The following CLIC5 variants were observed in gnomAD, a reference collection of about 807,000 sequenced individuals.
CLIC5 encodes the protein chloride intracellular channel protein 5.
Under a neutral mutation model 24.7 loss-of-function variants are expected in CLIC5, and 20 were observed. The ratio of observed to expected loss-of-function variants is 0.81; its 90% confidence interval spans 0.57 to 1.18. The LOEUF is 1.18. Among genes scored for constraint, CLIC5 ranks in the 50% most tolerant of loss-of-function variants. CLIC5 has a pLI of 0.00. For missense variants in CLIC5, 341 were observed against 326.1 expected (o/e 1.05, Z -0.35); for synonymous variants, 159 against 135.6 (o/e 1.17, Z -1.20).
the CLIC5 span, among the ~76,000 whole-genome samples, chr6:46,105,200 G>A: frequency 6.6e-6 from 1 of 152,052 alleles, no homozygotes; most frequent in Non-Finnish European, 1.5e-5. Flanking sequence ...CTGTCTTTGA[G>A]GTGGTTCTGG....
At chr6:45,979,909 A>C (rs1318066701) in intron 1 of CLIC5, among the ~76,000 whole-genome samples, 1 of 136,888 alleles carries the variant, frequency 7.3e-6, no homozygotes, top group Admixed American at 7.2e-5. Flanking sequence ...TCCATTTATC[A>C]ATTTTTTATT....
intron 5 of CLIC5, chr6:45,912,530 A>C (rs1581723695): frequency 1.5e-6 from 2 of 1,372,012 alleles, no homozygotes; most frequent in South Asian, 1.6e-5. Context: ...AAGAAAGGAA[A>C]AGAAGGCAAG....
chr6:46,100,063 A>G, the CLIC5 span, among the ~76,000 whole-genome samples: 4 of 152,048 alleles, frequency 2.6e-5, no homozygotes, highest in Admixed American at 2.6e-4. Context: ...TCCTGGAAAC[A>G]ATGCTATTTA....
rs11352899 is a variant in CLIC5, at chr6:46,052,125, G to GA, written c.540+27577dup. Among the ~76,000 whole-genome samples the GA allele has an allele frequency of 9.4e-4, 138 of 146,886 alleles. 1 individual carries two copies. Among genetic ancestry groups the GA allele is most frequent in the Middle Eastern group, 3.5e-3 (1 of 282 alleles). ...AACACAAAAATGATGAGATTTCCCTGAAAAAAAAAAAAAGAAGAAATTCTT... is the reference window on the plus strand; with the variant it reads ...AACACAAAAATGATGAGATTTCCCTGAAAAAAAAAAAAAAGAAGAAATTCTT... On this transcript the variant is annotated intron_variant, in intron 1 of 5. Transcript: ENST00000185206.
intron 4 of CLIC5, among the ~76,000 whole-genome samples, chr6:45,928,181 C>G (rs888936877): frequency 2.0e-5 from 3 of 152,186 alleles, no homozygotes; most frequent in African/African-American, 7.2e-5. Context: ...AAATTACCCT[C>G]TCTAAACTGC....
intron 4 of CLIC5, among the ~76,000 whole-genome samples, chr6:45,914,719 G>A (rs528373582): frequency 1.3e-5 from 2 of 151,954 alleles, no homozygotes; most frequent in African/African-American, 2.4e-5. Context: ...TTGGGAGGCC[G>A]AGGCGGGCAG....
chr6:46,103,694 T>C, the CLIC5 span, among the ~76,000 whole-genome samples: 1 of 152,190 alleles, frequency 6.6e-6, no homozygotes, highest in Non-Finnish European at 1.5e-5. Context: ...TTTTCCTTCA[T>C]GTGCACATTA....
intron 1 of CLIC5, among the ~76,000 whole-genome samples, chr6:46,005,373 C>A (rs1766512628): frequency 6.6e-6 from 1 of 152,166 alleles, no homozygotes; most frequent in Non-Finnish European, 1.5e-5. Context: ...GTAACTGGCA[C>A]AAAACTTCTA....
chr6:46,069,790 T>C (rs528943369), intron 1 of CLIC5, among the ~76,000 whole-genome samples: 2 of 152,240 alleles, frequency 1.3e-5, no homozygotes, highest in African/African-American at 4.8e-5. Flanking sequence ...TTCAGGCCAA[T>C]ATCTATGATG....
At chr6:46,096,814 CAA>C in the CLIC5 span, among the ~76,000 whole-genome samples, 1 of 152,188 alleles carries the variant, frequency 6.6e-6, no homozygotes, top group East Asian at 1.9e-4. Context: ...CAACCAGACT[CAA>C]GAGAGTACTT....
At chr6:46,030,066 T>G (rs1464975854) in intron 1 of CLIC5, among the ~76,000 whole-genome samples, 1 of 152,170 alleles carries the variant, frequency 6.6e-6, no homozygotes, top group Non-Finnish European at 1.5e-5. Flanking sequence ...CATTCTCCAA[T>G]TTTAACTTTT....
At chr6:46,013,973 A>C (rs1766898441) in intron 1 of CLIC5, among the ~76,000 whole-genome samples, 1 of 152,106 alleles carries the variant, frequency 6.6e-6, no homozygotes, top group African/African-American at 2.4e-5. Flanking sequence ...ACTACCCAGC[A>C]TCAGACGAGA....
chr6:46,092,646 T>C, the CLIC5 span, among the ~76,000 whole-genome samples: 262 of 152,330 alleles, frequency 1.7e-3, 8 homozygotes, highest in East Asian at 0.042. Context: ...TGTGTGTGTG[T>C]GTGTGTATAC....
At chr6:46,008,415 G>A (rs916281976) in intron 1 of CLIC5, among the ~76,000 whole-genome samples, 1 of 152,086 alleles carries the variant, frequency 6.6e-6, no homozygotes, top group Non-Finnish European at 1.5e-5. Flanking sequence ...GACACCATTT[G>A]GGCCACACTG....
intron 1 of CLIC5, among the ~76,000 whole-genome samples, chr6:45,990,808 G>A (rs1161583762): frequency 6.6e-6 from 1 of 152,170 alleles, no homozygotes; most frequent in Non-Finnish European, 1.5e-5. Context: ...CCCTTAAGTG[G>A]CACACAGGTT....
chr6:46,055,727 C>G (rs1581905306), intron 1 of CLIC5, among the ~76,000 whole-genome samples: 1 of 152,198 alleles, frequency 6.6e-6, no homozygotes, highest in Non-Finnish European at 1.5e-5. Context: ...CTGAGTGCCT[C>G]TCTGTGCTAG....
the CLIC5 span, among the ~76,000 whole-genome samples, chr6:46,092,336 AC>A: frequency 6.6e-6 from 1 of 152,242 alleles, no homozygotes; most frequent in South Asian, 2.1e-4. Flanking sequence ...AGAAACAAGA[AC>A]AAGATAAGCA....
intron 6 of CLIC5, chr6:45,881,292 T>C (rs1299637582): frequency 5.0e-6 from 2 of 396,192 alleles, no homozygotes; most frequent in African/African-American, 2.1e-5. Flanking sequence ...ATATTACTGA[T>C]TTCAAGTTAT....
At position 45,905,321 on chromosome 6, in the gene CLIC5, T is replaced by C. The variant is rs554089495; in HGVS notation, c.589-2066A>G. 2.6e-5 allele frequency among the ~76,000 whole-genome samples: 4 copies of C among 152,330 alleles called. No homozygotes were observed. The South Asian group carries it at 6.2e-4, about 24-fold the overall frequency. ...AATCTCCAGAGTGACTGAACTAATT[T>C]ACATTCCCATTAACACTGTATAAGT... On this transcript the variant is annotated intron_variant, in intron 5 of 5. Transcript: ENST00000339561.
Sources: allele counts gnomAD v4.1 joint callset (sites outside exome capture counted in the v4.1 genomes callset), GRCh38; gene constraint gnomAD v4.1.1; transcripts MANE v1.5; gene names NCBI Gene and HGNC (gene_info 2026-07-23, HGNC 2026-07-21).